Variants in ADRA1A observed in about 807,000 individuals in gnomAD.
ADRA1A encodes the protein adrenoceptor alpha 1A.
A neutral mutation model predicts 29.6 loss-of-function variants in ADRA1A; 31 were observed. The ratio of observed to expected loss-of-function variants is 1.05; its 90% CI spans 0.79 to 1.41. The LOEUF is 1.41. ADRA1A is among the 40% of genes most tolerant of loss of function. ADRA1A has a pLI of 0.00. For missense variants in ADRA1A, 619 were observed against 601.1 expected (o/e 1.03, Z -0.31); for synonymous variants, 311 against 254.3 (o/e 1.22, Z -2.12).
At chr8:26,817,170 C>T (rs987178968) in intron 2 of ADRA1A, among the ~76,000 whole-genome samples, 1 of 151,982 alleles carries the variant, frequency 6.6e-6, no homozygotes, top group South Asian at 2.1e-4. Context: ...ATATACAAAA[C>T]CATCAAACGA....
In ADRA1A at chr8:26,866,132, C is replaced by T. The variant is rs1431682500; in HGVS notation, c.-686-477G>A. Among the ~76,000 whole-genome samples the T allele has an allele frequency of 1.3e-5, 2 of 152,160 alleles. No homozygotes were observed. The highest frequency in any genetic ancestry group is 2.4e-5 in the African/African-American group (1 of 41,452). On this transcript the variant is annotated intron_variant, in intron 1 of 2. Coordinates refer to ENST00000380573, the MANE Select transcript of ADRA1A (RefSeq NM_000680.4). This position sits in a 1 kb window ranked among gnomAD's most constrained non-coding sequence, Gnocchi z 5.7. ...CCTGGGAGAGGGAACAGCTGCGACC[C>T]AGGGACCTCAGGGCCAGGACCACGA... is the stretch of plus-strand genomic sequence containing the variant.
At chr8:26,845,238 CA>C (rs1304612544) in intron 2 of ADRA1A, among the ~76,000 whole-genome samples, 1 of 152,090 alleles carries the variant, frequency 6.6e-6, no homozygotes, top group African/African-American at 2.4e-5. Flanking sequence ...TGCAACTCAA[CA>C]ATAAAAAGAC....
chr8:26,773,727 C>A (rs1333012333), intron 2 of ADRA1A, among the ~76,000 whole-genome samples: 1 of 152,180 alleles, frequency 6.6e-6, no homozygotes, highest in Non-Finnish European at 1.5e-5. Context: ...GCTTACAGAA[C>A]CCAGTTTTGC....
At position 26,805,858 on chromosome 8, in the gene ADRA1A, C is replaced by A. The variant is rs890438264; in HGVS notation, c.884-35192G>T. ...CATAGATTTGGCATTATTAACAGAG[C>A]CAAAGCCAAGTGACGTTGGCCCTTG... is the stretch of plus-strand genomic sequence containing the variant. On this transcript the variant is annotated intron_variant, in intron 2 of 2. Coordinates refer to ENST00000380573, the MANE Select transcript of ADRA1A (RefSeq NM_000680.4). The surrounding 1 kb of genome is among the most constrained non-coding windows in gnomAD (Gnocchi z 4.8). 2.6e-5 allele frequency among the ~76,000 whole-genome samples: 4 copies of A among 152,074 alleles called. No individual in the cohort carries two copies. Among genetic ancestry groups the A allele is most frequent in the African/African-American group, 9.7e-5 (4 of 41,388 alleles).
At position 26,800,743 on chromosome 8, in the gene ADRA1A, C is replaced by T. The variant is rs148372083; in HGVS notation, c.884-30077G>A. Among the ~76,000 whole-genome samples, 46 of 152,142 alleles carry T rather than the reference C, an allele frequency of 3.0e-4. 1 individual carries two copies. Among genetic ancestry groups the T allele is most frequent in the African/African-American group, 1.1e-3 (45 of 41,520 alleles). On this transcript the variant is annotated intron_variant, in intron 2 of 2. Coordinates refer to ENST00000380573, the MANE Select transcript of ADRA1A (RefSeq NM_000680.4). ...AAAAATAGAAGAAGAGGGAATGCTT[C>T]CAAATACTCATTGTATGGGGCCAGT...
chr8:26,839,880 C>G (rs1811692247), intron 2 of ADRA1A, among the ~76,000 whole-genome samples: 1 of 152,270 alleles, frequency 6.6e-6, no homozygotes, highest in East Asian at 1.9e-4. Context: ...GGCAGGCTAA[C>G]TCTGCCAAGG....
chr8:26,857,387 C>A (rs574729983), intron 2 of ADRA1A, among the ~76,000 whole-genome samples: 18 of 152,242 alleles, frequency 1.2e-4, no homozygotes, highest in African/African-American at 4.3e-4. Flanking sequence ...TAAATTCTAG[C>A]CAGGTGTGGT....
chr8:26,845,931 G>A (rs946158446), intron 2 of ADRA1A, among the ~76,000 whole-genome samples: 1 of 152,166 alleles, frequency 6.6e-6, no homozygotes, highest in South Asian at 2.1e-4. Context: ...GGGGAATGCC[G>A]AGTGATTGCT....
chr8:26,767,422 C>T (rs1228763091), downstream of ADRA1A, among the ~76,000 whole-genome samples: 4 of 152,118 alleles, frequency 2.6e-5, no homozygotes, highest in South Asian at 6.2e-4. Context: ...ATTCTTTACC[C>T]CACTTTGACT....
At chr8:26,801,605 G>A (rs1407776401) in intron 2 of ADRA1A, among the ~76,000 whole-genome samples, 2 of 152,084 alleles carry the variant, frequency 1.3e-5, no homozygotes, top group Non-Finnish European at 2.9e-5. Context: ...ACTGACGAAA[G>A]AAATTGAAGA....
intron 2 of ADRA1A, among the ~76,000 whole-genome samples, chr8:26,812,363 C>G (rs1338472349): frequency 6.6e-6 from 1 of 152,104 alleles, no homozygotes; most frequent in Admixed American, 6.5e-5. Flanking sequence ...AACTGATACT[C>G]AGGTTAAAAT....
At chr8:26,843,640 T>G (rs969377039) in intron 2 of ADRA1A, among the ~76,000 whole-genome samples, 1 of 152,126 alleles carries the variant, frequency 6.6e-6, no homozygotes, top group African/African-American at 2.4e-5. Flanking sequence ...CATCAACATA[T>G]AGAGGAACTA....
At position 26,806,260 on chromosome 8, in the gene ADRA1A, A is replaced by G. The variant is rs1353890837; in HGVS notation, c.884-35594T>C. The stretch of plus-strand genomic sequence containing the variant: ...CTTCCCTACAGCCTTCCTTCAGACA[A>G]GGTGGAACTGGCCCCAGAAGCTGGG... On this transcript the variant is annotated intron_variant, in intron 2 of 2. Transcript: ENST00000380573. The surrounding 1 kb of genome is among the most constrained non-coding windows in gnomAD (Gnocchi z 4.6). 6.6e-6 allele frequency among the ~76,000 whole-genome samples: 1 copy of G among 151,922 alleles called. No homozygotes were observed.
intron 2 of ADRA1A, among the ~76,000 whole-genome samples, chr8:26,853,167 A>G (rs1261684404): frequency 6.6e-6 from 1 of 152,198 alleles, no homozygotes; most frequent in Non-Finnish European, 1.5e-5. Context: ...AGATCTGTAT[A>G]GTTTTGTAAA....
Position 26,831,752 on chromosome 8 carries a change from TG to T in ADRA1A, c.883+32334del, listed in dbSNP as rs1304205040. Reference sequence around the variant, plus strand: ...GGGAATGAAGGACCCTTTTGGGCCTTGGGGGGAACACGCTGCATGCAGCTTC... The same window carrying T: ...GGGAATGAAGGACCCTTTTGGGCCTTGGGGGAACACGCTGCATGCAGCTTC... On this transcript the variant is annotated intron_variant, in intron 2 of 2. Transcript: ENST00000380573. The surrounding 1 kb of genome is among the most constrained non-coding windows in gnomAD (Gnocchi z 5.2). Among the ~76,000 whole-genome samples the T allele has an allele frequency of 6.6e-6, 1 of 152,182 alleles. No homozygotes were observed. The highest frequency in any genetic ancestry group is 1.5e-5 in the Non-Finnish European group (1 of 68,030).
At position 26,796,922 on chromosome 8, in the gene ADRA1A, A is replaced by G. The variant is rs944086552; in HGVS notation, c.884-26256T>C. Among the ~76,000 whole-genome samples the G allele has an allele frequency of 2.0e-5, 3 of 152,142 alleles. No homozygotes were observed. The highest frequency in any genetic ancestry group is 2.9e-5 in the Non-Finnish European group (2 of 68,012). On this transcript the variant is annotated intron_variant, in intron 2 of 2. Transcript: ENST00000380573. This position sits in a 1 kb window ranked among gnomAD's most constrained non-coding sequence, Gnocchi z 5.0. Reference sequence around the variant, plus strand: ...CACTGCGCAAATTTTTATAGAGATGAGACTGGAATTGAGAGTGAAATGAAG... The same window carrying G: ...CACTGCGCAAATTTTTATAGAGATGGGACTGGAATTGAGAGTGAAATGAAG...
chr8:26,755,514 G>A (rs973254848), downstream of ADRA1A, among the ~76,000 whole-genome samples: 1 of 152,156 alleles, frequency 6.6e-6, no homozygotes, highest in African/African-American at 2.4e-5. Flanking sequence ...TTTGGGAGGA[G>A]GCAGCACCCC....
chr8:26,765,791 G>A, downstream of ADRA1A: 3 of 1,281,672 alleles, frequency 2.3e-6, no homozygotes, highest in African/African-American at 3.0e-5. Context: ...CAAAGGACCT[G>A]AGCAGACCAG....
At chr8:26,793,561 T>G (rs1807976604) in intron 2 of ADRA1A, among the ~76,000 whole-genome samples, 1 of 151,942 alleles carries the variant, frequency 6.6e-6, no homozygotes, top group African/African-American at 2.4e-5. Context: ...TGAAAAGACT[T>G]TAAACTGGAC....
Sources: gnomAD v4.1 joint callset for allele counts (sites outside exome capture counted in the v4.1 genomes callset) on GRCh38, gnomAD v4.1.1 for gene constraint, Gnocchi (gnomAD v3.1) non-coding constraint, MANE v1.5 for transcripts, NCBI Gene and HGNC (gene_info 2026-07-23, HGNC 2026-07-21) for gene names.